Variants in CNBD1 observed in about 807,000 individuals in gnomAD.
CNBD1 encodes cyclic nucleotide-binding domain-containing protein 1.
Under a neutral mutation model 54.4 loss-of-function variants are expected in CNBD1, and 71 were observed. The observed-to-expected ratio is 1.30, with a 90% CI of 1.08 to 1.59. The LOEUF is 1.59. Ranked by LOEUF, CNBD1 falls within the 40% of genes most tolerant of loss-of-function variation. The probability of loss-of-function intolerance (pLI) is 0.00; values close to 1 mark genes in which losing one functional copy is unlikely to be tolerated. For synonymous variants in CNBD1, 182 were observed against 170.7 expected, an observed-to-expected ratio of 1.07 and a Z score of -0.51; for missense variants, 659 against 518.0, an observed-to-expected ratio of 1.27 and a Z score of -2.64.
At chr8:87,366,561 G>C (rs1810647233) in intron 10 of CNBD1, among the ~76,000 whole-genome samples, 1 of 151,992 alleles carries the variant, frequency 6.6e-6, no homozygotes, top group Non-Finnish European at 1.5e-5. Context: ...CCTATTTTAA[G>C]GTTAACTCGT....
At chr8:87,309,726 T>G (rs932996586) in intron 8 of CNBD1, among the ~76,000 whole-genome samples, 2 of 152,102 alleles carry the variant, frequency 1.3e-5, no homozygotes, top group Non-Finnish European at 2.9e-5. Flanking sequence ...TAATCAATCA[T>G]CTCCTGGATA....
intron 4 of CNBD1, among the ~76,000 whole-genome samples, chr8:87,118,854 C>T (rs1260393401): frequency 6.6e-6 from 1 of 152,190 alleles, no homozygotes; most frequent in African/African-American, 2.4e-5. Flanking sequence ...GAAGGCCCTA[C>T]ATATTTTTCT....
At chr8:86,867,862 T>G (rs1586098409) in intron 1 of CNBD1, among the ~76,000 whole-genome samples, 1 of 152,312 alleles carries the variant, frequency 6.6e-6, no homozygotes, top group Non-Finnish European at 1.5e-5. Flanking sequence ...GACACTTAAC[T>G]TCTGTGAAGT....
rs148618611 is a variant in CNBD1, at chr8:86,918,705, T to C, written c.272+13511T>C. 3.4e-4 allele frequency among the ~76,000 whole-genome samples: 51 copies of C among 151,724 alleles called. 1 individual carries two copies. The highest frequency in any genetic ancestry group is 1.2e-3 in the African/African-American group (49 of 41,352). ...CTCCCCAGCCAGATGGAACTGTGAG[T>C]CCATCAAATCTCTTTTTATTTATAA... On this transcript the variant is annotated intron_variant, in intron 3 of 10. Transcript: ENST00000518476.
intron 10 of CNBD1, among the ~76,000 whole-genome samples, chr8:87,375,607 G>C (rs1375264084): frequency 6.6e-6 from 1 of 151,746 alleles, no homozygotes; most frequent in Admixed American, 6.6e-5. Flanking sequence ...ACCGAATCAA[G>C]GTTATTAGAT....
chr8:87,426,186 G>A (rs1381083684), intron 2 of CNBD1, among the ~76,000 whole-genome samples: 2 of 152,196 alleles, frequency 1.3e-5, no homozygotes, highest in East Asian at 3.9e-4. Flanking sequence ...CTGGCGCACG[G>A]TGCGCGCACC....
At chr8:87,252,786 C>A (rs1807937556) in intron 6 of CNBD1, among the ~76,000 whole-genome samples, 1 of 152,018 alleles carries the variant, frequency 6.6e-6, no homozygotes, top group Non-Finnish European at 1.5e-5. Flanking sequence ...GAGTTAGTCT[C>A]AATTAAAGTG....
At chr8:86,901,610 A>G (rs753987694) in intron 2 of CNBD1, among the ~76,000 whole-genome samples, 5 of 152,186 alleles carry the variant, frequency 3.3e-5, no homozygotes, top group African/African-American at 4.8e-5. Context: ...ACATAATGCT[A>G]TAAAGGGGTG....
intron 4 of CNBD1, among the ~76,000 whole-genome samples, chr8:87,028,221 A>C (rs540965609): frequency 6.6e-6 from 1 of 152,272 alleles, no homozygotes; most frequent in East Asian, 1.9e-4. Flanking sequence ...GGACACACAC[A>C]CCTATCCAGA....
chr8:87,170,293 T>G (rs1315040002), intron 4 of CNBD1, among the ~76,000 whole-genome samples: 1 of 151,920 alleles, frequency 6.6e-6, no homozygotes, highest in East Asian at 1.9e-4. Context: ...TTATCAGTTC[T>G]AATAGTTTTT....
intron 3 of CNBD1, among the ~76,000 whole-genome samples, chr8:86,906,419 A>G (rs1162790388): frequency 6.6e-6 from 1 of 152,174 alleles, no homozygotes; most frequent in Non-Finnish European, 1.5e-5. Flanking sequence ...TCTTTTGAAA[A>G]CAGAGATTCA....
chr8:87,384,992 G>A (rs1265555500), downstream of CNBD1, among the ~76,000 whole-genome samples: 1 of 152,174 alleles, frequency 6.6e-6, no homozygotes, highest in Non-Finnish European at 1.5e-5. Context: ...GAATGAAACA[G>A]AAAGGCATGA....
At chr8:87,254,964 A>T (rs1164820164) in intron 6 of CNBD1, among the ~76,000 whole-genome samples, 1 of 152,312 alleles carries the variant, frequency 6.6e-6, no homozygotes, top group Non-Finnish European at 1.5e-5. Context: ...AGTTTTAATT[A>T]AAAACTCTAT....
intron 4 of CNBD1, among the ~76,000 whole-genome samples, chr8:87,080,981 AT>A (rs138772305): frequency 7.5e-5 from 11 of 147,104 alleles, no homozygotes; most frequent in African/African-American, 1.8e-4. Context: ...TCTTTCACCC[AT>A]TTTTTTTTGC....
chr8:87,266,544 C>T (rs1808263358), intron 6 of CNBD1, among the ~76,000 whole-genome samples: 1 of 143,908 alleles, frequency 6.9e-6, no homozygotes, highest in African/African-American at 2.6e-5. Context: ...CTCCGCCTCC[C>T]AGGTTCAATG....
chr8:87,272,226 G>A (rs372252766), intron 6 of CNBD1, among the ~76,000 whole-genome samples: 22 of 151,876 alleles, frequency 1.4e-4, no homozygotes, highest in South Asian at 8.3e-4. Context: ...AATAGTTAGC[G>A]GGGAATAATT....
At chr8:87,239,913 T>G (rs2130828545) in intron 6 of CNBD1, among the ~76,000 whole-genome samples, 1 of 152,280 alleles carries the variant, frequency 6.6e-6, no homozygotes, top group South Asian at 2.1e-4. Context: ...TACACATTTA[T>G]TTACAAGATC....
chr8:87,383,692 A>T (rs530993956), downstream of CNBD1, among the ~76,000 whole-genome samples: 28 of 152,128 alleles, frequency 1.8e-4, no homozygotes, highest in Non-Finnish European at 3.8e-4. Flanking sequence ...TAAAAAATTA[A>T]CCTGTGTTTA....
intron 4 of CNBD1, among the ~76,000 whole-genome samples, chr8:86,975,434 T>A (rs77720089): frequency 0.033 from 5,060 of 152,146 alleles, 106 homozygotes; most frequent in Non-Finnish European, 0.043. Context: ...TGTCTACTTA[T>A]ATGTTTGACT....
Sources: allele counts gnomAD v4.1 joint callset (sites outside exome capture counted in the v4.1 genomes callset), GRCh38; gene constraint gnomAD v4.1.1; transcripts MANE v1.5; gene names NCBI Gene and HGNC (gene_info 2026-07-23, HGNC 2026-07-21).